The following CDK14 variants were observed in gnomAD, a reference collection of about 807,000 sequenced individuals.
The protein encoded by CDK14 is cyclin-dependent kinase 14.
CDK14 carries 34 observed loss-of-function variants against 60.7 expected under a neutral mutation model. The observed-to-expected ratio is 0.56, with a 90% CI of 0.43 to 0.75. The LOEUF (loss-of-function observed/expected upper bound fraction) is 0.75, where lower values mean the gene tolerates loss of function less well. Ranked by LOEUF, CDK14 falls within the 30% of genes least tolerant of loss-of-function variation. CDK14 has a pLI of 0.00. For missense variants in CDK14, 482 were observed against 564.1 expected, an observed-to-expected ratio of 0.85 and a Z score of 1.47; for synonymous variants, 197 against 203.7, an observed-to-expected ratio of 0.97 and a Z score of 0.28.
chr7:90,758,688 G>T (rs1584863851), intron 4 of CDK14, among the ~76,000 whole-genome samples: 1 of 152,318 alleles, frequency 6.6e-6, no homozygotes, highest in East Asian at 1.9e-4. Context: ...CTTGAAGGGA[G>T]ATGGTACAAA....
chr7:90,999,126 C>T (rs1258466295), intron 10 of CDK14, among the ~76,000 whole-genome samples: 1 of 152,066 alleles, frequency 6.6e-6, no homozygotes, highest in Non-Finnish European at 1.5e-5. Context: ...CCAAAGGCCC[C>T]ATCTCCAAAT....
intron 6 of CDK14, among the ~76,000 whole-genome samples, chr7:90,892,465 C>T (rs1792165785): frequency 6.6e-6 from 1 of 152,194 alleles, no homozygotes; most frequent in African/African-American, 2.4e-5. Context: ...TGAGACTCAA[C>T]TGTGAAAATG....
intron 2 of CDK14, among the ~76,000 whole-genome samples, chr7:90,611,152 G>A (rs1416406211): frequency 2.0e-5 from 3 of 151,742 alleles, no homozygotes; most frequent in African/African-American, 7.3e-5. Flanking sequence ...TCTTTTCTAT[G>A]TTTTCTGCCC....
intron 2 of CDK14, among the ~76,000 whole-genome samples, chr7:90,640,461 C>T (rs17865926): frequency 0.026 from 4,011 of 151,744 alleles, 101 homozygotes; most frequent in Non-Finnish European, 0.036. Context: ...ATTTGTAAGT[C>T]GGTAAAAGAC....
chr7:91,099,122 T>A (rs79424268), intron 12 of CDK14, among the ~76,000 whole-genome samples: 32 of 152,262 alleles, frequency 2.1e-4, no homozygotes, highest in African/African-American at 7.7e-4. Context: ...ATGATGAGAT[T>A]TGTAACTTCT....
At chr7:90,799,690 CAAAAAAAAA>C (rs11353946) in intron 5 of CDK14, among the ~76,000 whole-genome samples, 1 of 53,530 alleles carries the variant, frequency 1.9e-5, no homozygotes, top group Non-Finnish European at 3.3e-5. Context: ...AACTCCATCT[CAAAAAAAAA>C]AAAAAAAAAA....
intron 12 of CDK14, among the ~76,000 whole-genome samples, chr7:91,089,613 T>C (rs909203211): frequency 5.3e-5 from 8 of 150,412 alleles, no homozygotes; most frequent in African/African-American, 2.0e-4. Flanking sequence ...CCGTAAAATA[T>C]GAGATACGCA....
In CDK14 at chr7:90,877,173, A is replaced by G. The variant is rs116749424; in HGVS notation, c.639+13904A>G. ...TTACAGTCTGTGTATAAAGGAATATATAGGGGTAAAAGGTTCTGATTTTAA... is the reference window on the plus strand; with the variant it reads ...TTACAGTCTGTGTATAAAGGAATATGTAGGGGTAAAAGGTTCTGATTTTAA... On this transcript the variant is annotated intron_variant, in intron 6 of 14. Transcript: ENST00000380050. Among the ~76,000 whole-genome samples, 748 of 152,328 alleles carry G rather than the reference A, an allele frequency of 4.9e-3. 9 individuals are homozygous for G. Among genetic ancestry groups the G allele is most frequent in the African/African-American group, 0.017 (713 of 41,564 alleles).
intron 14 of CDK14, among the ~76,000 whole-genome samples, chr7:91,194,933 C>T (rs909066338): frequency 2.0e-5 from 3 of 152,296 alleles, no homozygotes; most frequent in South Asian, 2.1e-4. Flanking sequence ...AAACATGAAG[C>T]ATCCCTTAAT....
chr7:90,949,445 A>G (rs1208708789), intron 8 of CDK14, among the ~76,000 whole-genome samples: 2 of 151,992 alleles, frequency 1.3e-5, no homozygotes, highest in Non-Finnish European at 2.9e-5. Context: ...CAGGTGATCC[A>G]CCTGCCATGG....
intron 9 of CDK14, among the ~76,000 whole-genome samples, chr7:90,969,124 G>A (rs1024013240): frequency 6.6e-6 from 1 of 152,140 alleles, no homozygotes; most frequent in African/African-American, 2.4e-5. Context: ...CCAAAAAAAT[G>A]GACCCTGTTA....
intron 2 of CDK14, among the ~76,000 whole-genome samples, chr7:90,684,803 A>G (rs1180192405): frequency 6.6e-6 from 1 of 152,034 alleles, no homozygotes; most frequent in African/African-American, 2.4e-5. Flanking sequence ...CCATCCATTC[A>G]TTTATCCATC....
chr7:91,081,333 G>A (rs1251803304), intron 12 of CDK14, among the ~76,000 whole-genome samples: 1 of 152,136 alleles, frequency 6.6e-6, no homozygotes, highest in Admixed American at 6.6e-5. Flanking sequence ...ACTATTACGC[G>A]AGTGATGGTT....
intron 13 of CDK14, among the ~76,000 whole-genome samples, chr7:91,116,773 A>C (rs78078664): frequency 0.079 from 11,990 of 151,668 alleles, 663 homozygotes; most frequent in African/African-American, 0.17. Flanking sequence ...TCCTACTAAT[A>C]CTTCTTTCGC....
At chr7:90,639,985 C>G (rs188755504) in intron 2 of CDK14, among the ~76,000 whole-genome samples, 34 of 152,058 alleles carry the variant, frequency 2.2e-4, no homozygotes, top group Non-Finnish European at 1.2e-4. Flanking sequence ...GCGCAGTATT[C>G]GGGTGGGAGA....
intron 10 of CDK14, among the ~76,000 whole-genome samples, chr7:91,032,812 C>T (rs894160144): frequency 2.0e-5 from 3 of 152,158 alleles, no homozygotes; most frequent in Admixed American, 6.5e-5. Flanking sequence ...ACAGCAGTCA[C>T]GGGAAATCAA....
chr7:90,845,271 C>A lies in CDK14; in HGVS notation c.545-17904C>A, dbSNP rs571204204. 5.9e-5 allele frequency among the ~76,000 whole-genome samples: 9 copies of A among 152,182 alleles called. No individual in the cohort carries two copies. In the South Asian group the frequency reaches 1.9e-3, roughly 32 times the overall value. ...TTGCATATATTCCTGAGTCTTAAAA[C>A]TATGCTTTCTATATTTTTGAAGGCA... On this transcript the variant is annotated intron_variant, in intron 5 of 14. Transcript: ENST00000380050.
chr7:91,050,438 GAAACATTTTTA>G (rs1464167966), intron 11 of CDK14, among the ~76,000 whole-genome samples: 3 of 151,894 alleles, frequency 2.0e-5, no homozygotes, highest in African/African-American at 7.3e-5. Flanking sequence ...CAAAAATGGA[GAAACATTTTTA>G]AAATAATTAT....
At chr7:90,979,059 T>C (rs186644554) in intron 9 of CDK14, among the ~76,000 whole-genome samples, 3 of 152,320 alleles carry the variant, frequency 2.0e-5, no homozygotes, top group African/African-American at 7.2e-5. Flanking sequence ...GTGGTTTCTG[T>C]AGCAACTACT....
Sources: allele counts gnomAD v4.1 joint callset (sites outside exome capture counted in the v4.1 genomes callset), GRCh38; gene constraint gnomAD v4.1.1; transcripts MANE v1.5; gene names NCBI Gene and HGNC (gene_info 2026-07-23, HGNC 2026-07-21).